The following NUBPL variants were observed in gnomAD, a reference collection of about 807,000 sequenced individuals.
NUBPL encodes the protein NUBP iron-sulfur cluster assembly factor, mitochondrial.
NUBPL carries 31 observed loss-of-function variants against 45.7 expected under a neutral mutation model. That is an observed-to-expected ratio of 0.68 (90% CI 0.51 to 0.92). The LOEUF (loss-of-function observed/expected upper bound fraction) is 0.92, where lower values mean the gene tolerates loss of function less well. Ranked by LOEUF, NUBPL falls within the 40% of genes least tolerant of loss-of-function variation. The pLI is 0.00. For synonymous variants in NUBPL, 144 were observed against 140.9 expected, an observed-to-expected ratio of 1.02 and a Z score of -0.15; for missense variants, 401 against 398.7, an observed-to-expected ratio of 1.01 and a Z score of -0.05.
chr14:31,675,893 A>G (rs1374657775), intron 6 of NUBPL, among the ~76,000 whole-genome samples: 3 of 152,190 alleles, frequency 2.0e-5, no homozygotes, highest in Admixed American at 2.0e-4. Context: ...TAGCATTTCC[A>G]TCCTCCAAGA....
intron 4 of NUBPL, among the ~76,000 whole-genome samples, chr14:31,666,538 C>G (rs1485573299): frequency 1.3e-5 from 2 of 152,036 alleles, no homozygotes; most frequent in African/African-American, 4.8e-5. Flanking sequence ...GCTGGGATTA[C>G]AGGCATGAGC....
At chr14:31,737,494 T>G (rs969559935) in intron 6 of NUBPL, among the ~76,000 whole-genome samples, 2 of 152,040 alleles carry the variant, frequency 1.3e-5, no homozygotes, top group African/African-American at 4.8e-5. Flanking sequence ...AATGTTTAAA[T>G]AATTCGGGTT....
intron 4 of NUBPL, among the ~76,000 whole-genome samples, chr14:31,647,421 TG>T (rs2035885500): frequency 6.6e-6 from 1 of 152,220 alleles, no homozygotes; most frequent in Admixed American, 6.5e-5. Context: ...TGGCACTAAA[TG>T]GCACCTTAAG....
intron 6 of NUBPL, among the ~76,000 whole-genome samples, chr14:31,755,964 C>T (rs1192125822): frequency 7.9e-5 from 12 of 151,914 alleles, no homozygotes; most frequent in Non-Finnish European, 1.8e-4. Context: ...GAATCCTTTC[C>T]CCATTGCTTA....
intron 7 of NUBPL, among the ~76,000 whole-genome samples, chr14:31,803,465 A>T (rs56142831): frequency 0.4 from 59,874 of 151,536 alleles, 13,270 homozygotes; most frequent in East Asian, 0.6. Context: ...ATGACCTCAA[A>T]ATGTAGCTCT....
chr14:31,578,726 G>A (rs112568715), intron 3 of NUBPL, among the ~76,000 whole-genome samples: 1,616 of 152,182 alleles, frequency 0.011, 23 homozygotes, highest in African/African-American at 0.037. Context: ...TCTCTCTCTT[G>A]TCTTCCAAAA....
intron 6 of NUBPL, among the ~76,000 whole-genome samples, chr14:31,681,474 G>GT (rs1236621732): frequency 1.0e-4 from 11 of 106,182 alleles, no homozygotes; most frequent in African/African-American, 1.6e-4. Context: ...AAACTTTACT[G>GT]GTTTTTTTTT....
At chr14:31,852,869 A>G (rs1031658364) in intron 10 of NUBPL, among the ~76,000 whole-genome samples, 3 of 152,106 alleles carry the variant, frequency 2.0e-5, no homozygotes, top group African/African-American at 7.2e-5. Flanking sequence ...TCAAATAGAA[A>G]TGTGCTCTTA....
intron 4 of NUBPL, among the ~76,000 whole-genome samples, chr14:31,623,205 C>G (rs771617967): frequency 2.0e-5 from 3 of 152,236 alleles, no homozygotes; most frequent in Non-Finnish European, 4.4e-5. Flanking sequence ...TGGCCAATTT[C>G]TCCCATTTAG....
chr14:31,756,282 T>A (rs995440050), intron 6 of NUBPL, among the ~76,000 whole-genome samples: 5 of 152,138 alleles, frequency 3.3e-5, no homozygotes, highest in Admixed American at 1.3e-4. Context: ...TCTATAAATT[T>A]CCTTGGGCAG....
chr14:31,611,696 C>G (rs1314144279), intron 4 of NUBPL, among the ~76,000 whole-genome samples: 1 of 152,164 alleles, frequency 6.6e-6, no homozygotes, highest in African/African-American at 2.4e-5. Flanking sequence ...GTAACCAAAA[C>G]AGGATGGTAC....
chr14:31,742,020 A>G (rs981670415), intron 6 of NUBPL, among the ~76,000 whole-genome samples: 1 of 152,086 alleles, frequency 6.6e-6, no homozygotes, highest in African/African-American at 2.4e-5. Context: ...TAAAAATATA[A>G]AATCCTCTCC....
At chr14:31,824,389 C>T (rs2040065130) in intron 7 of NUBPL, among the ~76,000 whole-genome samples, 1 of 152,258 alleles carries the variant, frequency 6.6e-6, no homozygotes, top group Admixed American at 6.5e-5. Context: ...GCACCCCATA[C>T]TGACTTATTT....
chr14:31,779,252 C>A (rs138538968), intron 6 of NUBPL, among the ~76,000 whole-genome samples: 2,106 of 152,006 alleles, frequency 0.014, 43 homozygotes, highest in African/African-American at 0.048. Flanking sequence ...GAGGGAGAAT[C>A]TCTTGAACCC....
chr14:31,744,793 T>C (rs2140006294), intron 6 of NUBPL, among the ~76,000 whole-genome samples: 1 of 152,006 alleles, frequency 6.6e-6, no homozygotes, highest in South Asian at 2.1e-4. Context: ...AGCTAATTTT[T>C]GTATTTTTAG....
intron 6 of NUBPL, among the ~76,000 whole-genome samples, chr14:31,773,636 T>C (rs2039048767): frequency 6.6e-6 from 1 of 152,160 alleles, no homozygotes; most frequent in African/African-American, 2.4e-5. Context: ...TCTATACCAA[T>C]AGTGGCATGC....
chr14:31,617,127 T>C (rs188096907), intron 4 of NUBPL, among the ~76,000 whole-genome samples: 1 of 152,332 alleles, frequency 6.6e-6, no homozygotes, highest in East Asian at 1.9e-4. Flanking sequence ...TGGTTTTGTA[T>C]CCTGAGACTT....
chr14:31,575,964 TTTATATTTATAA>T (rs1374325965), intron 3 of NUBPL, among the ~76,000 whole-genome samples: 4 of 152,224 alleles, frequency 2.6e-5, no homozygotes, highest in Non-Finnish European at 5.9e-5. Context: ...AGAAATGTGT[TTTATATTTATAA>T]GTGCATTTGA....
chr14:31,569,013 A>G (rs989794103), intron 3 of NUBPL, among the ~76,000 whole-genome samples: 2 of 152,176 alleles, frequency 1.3e-5, no homozygotes, highest in African/African-American at 2.4e-5. Context: ...CTCTAATATA[A>G]TGTATAAACA....
Sources: allele counts gnomAD v4.1 joint callset (sites outside exome capture counted in the v4.1 genomes callset), GRCh38; gene constraint gnomAD v4.1.1; transcripts MANE v1.5; gene names NCBI Gene and HGNC (gene_info 2026-07-23, HGNC 2026-07-21).